The following ZNF451 variants were observed in gnomAD, a reference collection of about 807,000 sequenced individuals.
ZNF451 encodes zinc finger protein 451.
A neutral mutation model predicts 107.1 loss-of-function variants in ZNF451; 80 were observed. That is an observed-to-expected ratio of 0.75 (90% CI 0.62 to 0.90). ZNF451 has a LOEUF of 0.90. ZNF451 is among the 40% of genes least tolerant of loss of function. ZNF451 has a pLI of 0.00. For missense variants in ZNF451, 1,107 were observed against 1,236.2 expected, an observed-to-expected ratio of 0.90 and a Z score of 1.57; for synonymous variants, 362 against 406.5, an observed-to-expected ratio of 0.89 and a Z score of 1.32.
intron 3 of ZNF451, chr6:57,105,728 T>G (rs1245035955): frequency 1.0e-6 from 1 of 985,294 alleles, no homozygotes; most frequent in South Asian, 4.7e-5. Context: ...GTATCTAACC[T>G]TGTTCTTAGC....
chr6:57,134,897 A>G, intron 7 of ZNF451, 27 bp downstream of exon 7: 18 of 1,578,458 alleles, frequency 1.1e-5, no homozygotes, highest in Non-Finnish European at 1.6e-5. Context: ...AATTAAAAGT[A>G]TTATTTTTCT....
intron 10 of ZNF451, 160 bp from the exon 11 acceptor site, chr6:57,150,559 C>T (rs1312427833): frequency 1.6e-6 from 1 of 615,518 alleles, no homozygotes; most frequent in Non-Finnish European, 2.6e-6. Context: ...TAAATGGTGT[C>T]ATGTACAGAT....
In ZNF451 at chr6:57,133,102, C is replaced by T. The variant is rs374303703; in HGVS notation, c.485C>T (p.Thr162Met). 35 of 1,613,990 alleles carry T rather than the reference C, an allele frequency of 2.2e-5. No homozygotes were observed. Among genetic ancestry groups the T allele is most frequent in the Admixed American group, 6.7e-5 (4 of 60,002 alleles). ...TKSSFRRGGH[T>M]WVSGKPILCP... ...AGTTCATTCCGAAGAGGAGGCCACA[C>T]GTGGGTGTCTGGGAAACCAATTTTA... Residue 162 changes from threonine (T) to methionine (M), a missense_variant, in exon 6 of 15, where the codon ACG (threonine) becomes ATG (methionine). Physicochemically the swap from Thr to Met is moderately conservative, Grantham distance 81. Around this residue, in one of 5 missense-constraint regions of ZNF451, gnomAD observed 339 missense variants for 372.8 expected, o/e 0.91. Transcript: ENST00000370706.
Position 57,141,348 on chromosome 6 carries a change from T to G in ZNF451, c.749T>G (p.Ile250Ser). 3.1e-6 allele frequency: 5 copies of G among 1,613,092 alleles called. No individual in the cohort carries two copies. The highest frequency in any genetic ancestry group is 4.2e-6 in the Non-Finnish European group (5 of 1,179,452). ...AACAACAACCTTCTTCCTCAGATTA[T>G]TCAGTGTTTTGCATGTCCAAATTGC... ...GHNNNLLPQI[I>S]QCFACPNCFL... Residue 250 changes from isoleucine to serine, a missense_variant, in exon 8 of 15, where the codon ATT (isoleucine) becomes AGT (serine). Around this residue, in one of 5 missense-constraint regions of ZNF451, gnomAD observed 339 missense variants for 372.8 expected, o/e 0.91. Transcript: ENST00000370706.
chr6:57,131,509 G>A (rs1031790384), intron 5 of ZNF451, among the ~76,000 whole-genome samples: 1 of 152,136 alleles, frequency 6.6e-6, no homozygotes, highest in African/African-American at 2.4e-5. Context: ...GAATGTTAAA[G>A]TATATTGCCA....
At chr6:57,145,784 T>C (rs1832035597) in intron 9 of ZNF451, among the ~76,000 whole-genome samples, 3 of 152,174 alleles carry the variant, frequency 2.0e-5, no homozygotes, top group Admixed American at 2.0e-4. Context: ...GTCTTTTTGA[T>C]ATAATGCTTA....
chr6:57,104,955 ATAGAT>A, intron 3 of ZNF451: 1 of 985,002 alleles, frequency 1.0e-6, no homozygotes, highest in Non-Finnish European at 1.2e-6. Flanking sequence ...GTTTTTAGTA[ATAGAT>A]TAGTTTCTTG....
rs1764074405 is a variant in ZNF451, at chr6:57,170,294, A to G, written c.*1825A>G. 6.6e-6 allele frequency: 1 copy of G among 152,252 alleles called. No homozygotes were observed. The highest frequency in any genetic ancestry group is 2.4e-5 in the African/African-American group (1 of 41,464). 9.4% of individuals were successfully genotyped at this position (152,252 alleles called of 1,614,324 possible). A position where few individuals can be genotyped will look rare whatever the true frequency, so the allele number is the denominator to read the frequency against. On this transcript the variant is annotated 3_prime_UTR_variant, in exon 15 of 15. Coordinates refer to ENST00000370706, the MANE Select transcript of ZNF451 (RefSeq NM_001031623.3). ...ATTATCGTCAGAAGTAAATGTTTCT[A>G]ACATTGACAAAGATGCTTATCTTTT...
chr6:57,106,852 G>A (rs1344156997), intron 3 of ZNF451: 53 of 976,236 alleles, frequency 5.4e-5, no homozygotes, highest in Non-Finnish European at 5.7e-5. Flanking sequence ...TATATAAGTG[G>A]AAGTTATCAG....
intron 3 of ZNF451, chr6:57,101,468 C>G (rs1365184197): frequency 7.1e-6 from 11 of 1,550,920 alleles, no homozygotes; most frequent in Non-Finnish European, 9.6e-6. Flanking sequence ...ATTGTAGAAG[C>G]ATTAGAACAC....
At chr6:57,106,394 C>A in intron 3 of ZNF451, 1 of 782,460 alleles carries the variant, frequency 1.3e-6, no homozygotes, top group Non-Finnish European at 1.5e-6. Context: ...ACTGCAACCG[C>A]CACCTCCCGG....
At chr6:57,098,117 G>A (rs1421974755) in intron 2 of ZNF451, among the ~76,000 whole-genome samples, 2 of 150,582 alleles carry the variant, frequency 1.3e-5, no homozygotes, top group Admixed American at 6.6e-5. Flanking sequence ...CTACAGGCAC[G>A]CACCACCATG....
At position 57,168,424 on chromosome 6, in the gene ZNF451, T is replaced by TG; in HGVS notation, c.3142dup (p.Val1048GlyfsTer8). ...AAAATTCTATGTTTTTTAATGCAGA[T>TG]GTGGAATTAGAAGAAGCTATTAGAA... On this transcript the variant is annotated frameshift_variant and splice_region_variant, in exon 15 of 15. Coordinates refer to ENST00000370706, the MANE Select transcript of ZNF451 (RefSeq NM_001031623.3). LOFTEE classifies it high-confidence loss of function. 2 of 1,603,634 alleles carry TG rather than the reference T, an allele frequency of 1.2e-6. No individual in the cohort carries two copies. The highest frequency in any genetic ancestry group is 2.2e-5 in the South Asian group (2 of 89,818).
intron 7 of ZNF451, among the ~76,000 whole-genome samples, chr6:57,138,740 TATG>T: frequency 8.8e-6 from 1 of 113,604 alleles, no homozygotes; most frequent in Non-Finnish European, 1.8e-5. Context: ...TATATATATA[TATG>T]TGTGTGTGTG....
At chr6:57,130,990 A>G (rs1831153022) in intron 5 of ZNF451, among the ~76,000 whole-genome samples, 1 of 152,154 alleles carries the variant, frequency 6.6e-6, no homozygotes, top group Non-Finnish European at 1.5e-5. Flanking sequence ...GTGCTATTCC[A>G]TAAATGGGCT....
rs1377931883 is a variant in ZNF451 at position 57,133,149 on chromosome 6, A to G, written c.532A>G (p.Lys178Glu). 2.5e-6 allele frequency: 4 copies of G among 1,614,012 alleles called. No homozygotes were observed. The highest frequency in any genetic ancestry group is 2.5e-6 in the Non-Finnish European group (3 of 1,180,000). The change falls in exon 6 of 15, where the codon AAG becomes GAG. Residue 178 changes from lysine (K) to glutamate (E), a missense_variant. Transcript: ENST00000370706. The stretch of plus-strand genomic sequence containing the variant: ...TTTATGTCCTATAATGCACTGTAAC[A>G]AGGAGTTTGACAATGGGCACCTTCT... ...PILCPIMHCN[K>E]EFDNGHLLLG...
chr6:57,148,734 T>C (rs535757547), intron 10 of ZNF451, 41 bp downstream of exon 10: 37 of 1,518,146 alleles, frequency 2.4e-5, no homozygotes, highest in Non-Finnish European at 3.2e-5. Context: ...TATACTGATA[T>C]TGAAACTTAC....
At chr6:57,150,973 G>C (rs1832316020) in intron 11 of ZNF451, 111 bp downstream of exon 11, 1 of 1,277,858 alleles carries the variant, frequency 7.8e-7, no homozygotes, top group African/African-American at 1.5e-5. Flanking sequence ...AACATAATTG[G>C]AATATTGTTC....
intron 13 of ZNF451, chr6:57,154,661 C>T (rs56003634): frequency 0.033 from 5,018 of 152,358 alleles, 123 homozygotes; most frequent in Middle Eastern, 0.048. Context: ...TTTTGTTTTT[C>T]GTTTTTCATA....
Sources: gnomAD v4.1 joint callset for allele counts (sites outside exome capture counted in the v4.1 genomes callset) on GRCh38, gnomAD v4.1.1 for gene constraint, gnomAD v4.1.1 regional missense constraint, MANE v1.5 for transcripts, NCBI Gene and HGNC (gene_info 2026-07-23, HGNC 2026-07-21) for gene names.